Variants in INPP4B observed in about 807,000 individuals in gnomAD.
The protein encoded by INPP4B is inositol polyphosphate 4-phosphatase type II.
Under a neutral mutation model 122.5 loss-of-function variants are expected in INPP4B, and 55 were observed. That is an observed-to-expected ratio of 0.45 (90% CI 0.36 to 0.56). INPP4B has a LOEUF of 0.56. Ranked by LOEUF, INPP4B falls within the 20% of genes least tolerant of loss-of-function variation. The probability of loss-of-function intolerance (pLI) is 0.00; values close to 1 mark genes in which losing one functional copy is unlikely to be tolerated. For synonymous variants in INPP4B, 403 were observed against 388.7 expected (o/e 1.04, Z -0.43); for missense variants, 1,000 against 1,097.7 (o/e 0.91, Z 1.26).
At chr4:142,459,255 C>A (rs1019829664) in intron 3 of INPP4B, among the ~76,000 whole-genome samples, 1 of 139,206 alleles carries the variant, frequency 7.2e-6, no homozygotes, top group Non-Finnish European at 1.5e-5. Flanking sequence ...TTCACAGATA[C>A]GGATCAAAGG....
rs553272646 is a variant in INPP4B, at chr4:142,409,015, C to A, written c.137-3691G>T. On this transcript the variant is annotated intron_variant, in intron 5 of 25. Transcript: ENST00000262992. ...TTGTCATCAGAAAAAAAATAAAGAG[C>A]AATAAGTGACTTTTTATTTCCTGAT... Among the ~76,000 whole-genome samples the A allele has an allele frequency of 2.6e-5, 4 of 152,022 alleles. No homozygotes were observed. In the South Asian group the frequency reaches 8.3e-4, roughly 32 times the overall value.
chr4:142,806,760 G>GTAA (rs1778796629), intron 1 of INPP4B, among the ~76,000 whole-genome samples: 1 of 58,930 alleles, frequency 1.7e-5, no homozygotes, highest in African/African-American at 7.3e-5. Context: ...AGAAGAAGAA[G>GTAA]AAAGAAGAAA....
At chr4:142,829,192 C>T (rs1169761092) in intron 1 of INPP4B, among the ~76,000 whole-genome samples, 27 of 143,440 alleles carry the variant, frequency 1.9e-4, no homozygotes, top group East Asian at 1.5e-3. Context: ...ATATCATGGG[C>T]TGAATATTTT....
chr4:142,067,804 G>A (rs1010852638), intron 25 of INPP4B, among the ~76,000 whole-genome samples: 7 of 152,048 alleles, frequency 4.6e-5, no homozygotes, highest in African/African-American at 9.7e-5. Context: ...AGAAACGAAC[G>A]AAGCCTCCAA....
chr4:142,650,841 G>C (rs1273178717), intron 2 of INPP4B, among the ~76,000 whole-genome samples: 50 of 152,084 alleles, frequency 3.3e-4, no homozygotes, highest in Admixed American at 3.3e-3. Flanking sequence ...GGATATCCAG[G>C]ACTTGAACAC....
At chr4:142,242,360 G>A (rs1859848688) in intron 11 of INPP4B, among the ~76,000 whole-genome samples, 1 of 152,076 alleles carries the variant, frequency 6.6e-6, no homozygotes, top group East Asian at 1.9e-4. Context: ...CAAGCTCCTG[G>A]CCAAAAATAA....
chr4:142,475,713 A>G (rs1176397054), intron 2 of INPP4B, among the ~76,000 whole-genome samples: 1 of 152,234 alleles, frequency 6.6e-6, no homozygotes, highest in African/African-American at 2.4e-5. Flanking sequence ...GCAAGTATTA[A>G]CAGCAAAATC....
intron 9 of INPP4B, among the ~76,000 whole-genome samples, chr4:142,296,183 T>G (rs1758613625): frequency 6.6e-6 from 1 of 152,184 alleles, no homozygotes; most frequent in African/African-American, 2.4e-5. Flanking sequence ...CTAAACCAAT[T>G]TGCAATCCGA....
chr4:142,785,573 T>C (rs1405982745), intron 1 of INPP4B, among the ~76,000 whole-genome samples: 1 of 152,014 alleles, frequency 6.6e-6, no homozygotes, highest in Admixed American at 6.6e-5. Flanking sequence ...TAGACTGGCA[T>C]GGTTGTGAAA....
At chr4:142,034,440 T>C (rs336350) in intron 25 of INPP4B, among the ~76,000 whole-genome samples, 136,892 of 151,986 alleles carry the variant, frequency 0.9, 62,185 homozygotes, top group Non-Finnish European at 0.97. Context: ...TTTCATACTT[T>C]GCTCTGCCCC....
intron 2 of INPP4B, among the ~76,000 whole-genome samples, chr4:142,604,998 A>G (rs1194436557): frequency 6.6e-6 from 1 of 152,092 alleles, no homozygotes; most frequent in Non-Finnish European, 1.5e-5. Context: ...CCAAAACAGC[A>G]CACTATTGGT....
At chr4:142,693,483 TAAAA>T (rs554003993) in intron 2 of INPP4B, among the ~76,000 whole-genome samples, 2 of 52,394 alleles carry the variant, frequency 3.8e-5, no homozygotes. Flanking sequence ...TGCCTTTTTC[TAAAA>T]AAAAAAAAAA....
At chr4:142,212,886 G>C (rs1046440614) in intron 12 of INPP4B, among the ~76,000 whole-genome samples, 2 of 152,260 alleles carry the variant, frequency 1.3e-5, no homozygotes, top group African/African-American at 4.8e-5. Flanking sequence ...ATCAGTGATT[G>C]GTTTGGCATA....
intron 16 of INPP4B, among the ~76,000 whole-genome samples, chr4:142,161,926 A>AT (rs1438190363): frequency 6.6e-6 from 1 of 151,818 alleles, no homozygotes; most frequent in Non-Finnish European, 1.5e-5. Flanking sequence ...TTTCCAACAA[A>AT]TTAGCAGCTT....
chr4:142,674,847 C>G (rs140032417), intron 2 of INPP4B, among the ~76,000 whole-genome samples: 4 of 152,240 alleles, frequency 2.6e-5, no homozygotes, highest in East Asian at 3.9e-4. Context: ...CTCTGGGACA[C>G]AGCTAAAGCA....
intron 7 of INPP4B, chr4:142,347,595 C>T (rs1780680411): frequency 5.6e-6 from 2 of 360,084 alleles, no homozygotes; most frequent in Admixed American, 3.5e-5. Flanking sequence ...ATTTAATTTC[C>T]AACTTGGAAA....
chr4:142,689,390 C>T (rs1047693565), intron 2 of INPP4B, among the ~76,000 whole-genome samples: 7 of 152,112 alleles, frequency 4.6e-5, no homozygotes, highest in African/African-American at 7.2e-5. Flanking sequence ...CAGGACCATA[C>T]GAAGGTCTCA....
intron 1 of INPP4B, among the ~76,000 whole-genome samples, chr4:142,744,369 A>G (rs749964035): frequency 6.6e-6 from 1 of 151,960 alleles, no homozygotes; most frequent in Non-Finnish European, 1.5e-5. Context: ...AAAAAAATAG[A>G]ATATAAAGTA....
chr4:142,339,549 C>A (rs1777970128), intron 7 of INPP4B, among the ~76,000 whole-genome samples: 1 of 152,020 alleles, frequency 6.6e-6, no homozygotes, highest in African/African-American at 2.4e-5. Flanking sequence ...GGTTGTAGAC[C>A]CCAATCATTG....
Sources: gnomAD v4.1 joint callset for allele counts (sites outside exome capture counted in the v4.1 genomes callset) on GRCh38, gnomAD v4.1.1 for gene constraint, MANE v1.5 for transcripts, NCBI Gene and HGNC (gene_info 2026-07-23, HGNC 2026-07-21) for gene names.